The following ANO4 variants were observed in gnomAD, a reference collection of about 807,000 sequenced individuals.
ANO4 encodes anoctamin-4.
ANO4 carries 69 observed loss-of-function variants against 141.9 expected under a neutral mutation model. That is an observed-to-expected ratio of 0.49 (90% CI 0.40 to 0.59). The LOEUF (loss-of-function observed/expected upper bound fraction) is 0.59, where lower values mean the gene tolerates loss of function less well. Ranked by LOEUF, ANO4 falls within the 20% of genes least tolerant of loss-of-function variation. The probability of loss-of-function intolerance (pLI) is 0.00; values close to 1 mark genes in which losing one functional copy is unlikely to be tolerated. For synonymous variants in ANO4, 350 were observed against 394.3 expected, an observed-to-expected ratio of 0.89 and a Z score of 1.33; for missense variants, 894 against 1,162.2, an observed-to-expected ratio of 0.77 and a Z score of 3.36.
chr12:100,718,150 GACATAT>G (rs2030698483), intron 1 of ANO4, among the ~76,000 whole-genome samples: 1 of 152,204 alleles, frequency 6.6e-6, no homozygotes, highest in South Asian at 2.1e-4. Flanking sequence ...TATATGAATA[GACATAT>G]ACATATATAC....
At chr12:100,839,410 A>C (rs765451977) in intron 1 of ANO4, among the ~76,000 whole-genome samples, 7 of 152,204 alleles carry the variant, frequency 4.6e-5, no homozygotes, top group Non-Finnish European at 7.3e-5. Flanking sequence ...AAGTTTAGGG[A>C]TACCTTAACC....
In ANO4 at chr12:101,099,628, C is replaced by G; in HGVS notation, c.2057C>G (p.Pro686Arg). 1 of 1,611,980 alleles carries G rather than the reference C, an allele frequency of 6.2e-7. No individual in the cohort carries two copies. The highest frequency in any genetic ancestry group is 1.1e-5 in the South Asian group (1 of 90,574). ...AGAAAAGTACGACAAGAACATGGAC[C>G]TGAAAGGAAAATAAGTTTCCCACAA... ...TRRKVRQEHG[P>R]ERKISFPQWE... is the part of the protein sequence containing the mutation. The change falls in exon 22 of 28, where the codon CCT (proline) becomes CGT (arginine). Residue 686 changes from proline to arginine, a missense_variant. By Grantham distance (103) the Pro-to-Arg change is moderately radical. Transcript: ENST00000392977.
chr12:100,925,501 G>C (rs919719157), intron 3 of ANO4, among the ~76,000 whole-genome samples: 1 of 151,544 alleles, frequency 6.6e-6, no homozygotes, highest in Non-Finnish European at 1.5e-5. Context: ...GTCGGGGGGT[G>C]GGGGGCTAGA....
intron 3 of ANO4, among the ~76,000 whole-genome samples, chr12:100,774,722 G>A (rs957462185): frequency 8.5e-5 from 13 of 152,092 alleles, no homozygotes; most frequent in Non-Finnish European, 1.9e-4. Flanking sequence ...AAACAAAAAC[G>A]AGATGGCCAC....
intron 1 of ANO4, among the ~76,000 whole-genome samples, chr12:100,885,105 T>C (rs1252899938): frequency 1.3e-5 from 2 of 152,224 alleles, no homozygotes; most frequent in Admixed American, 6.5e-5. Flanking sequence ...CCAAAGGTTC[T>C]CTGTTTTTGA....
intron 1 of ANO4, among the ~76,000 whole-genome samples, chr12:100,864,081 T>C (rs1401967916): frequency 6.6e-6 from 1 of 152,188 alleles, no homozygotes; most frequent in African/African-American, 2.4e-5. Context: ...AGTTGCAAGA[T>C]GACTGACAGT....
intron 1 of ANO4, among the ~76,000 whole-genome samples, chr12:100,892,306 T>A (rs905642805): frequency 6.6e-6 from 1 of 152,180 alleles, no homozygotes; most frequent in Non-Finnish European, 1.5e-5. Context: ...AATCACTCTT[T>A]ATGAATTAAA....
chr12:101,039,372 G>A (rs1418564199), intron 10 of ANO4, among the ~76,000 whole-genome samples: 1 of 152,208 alleles, frequency 6.6e-6, no homozygotes, highest in Non-Finnish European at 1.5e-5. Flanking sequence ...GTGCATGGTG[G>A]CACATGCCTA....
chr12:100,978,500 T>C (rs1160376607), intron 7 of ANO4, among the ~76,000 whole-genome samples: 1 of 152,244 alleles, frequency 6.6e-6, no homozygotes, highest in Non-Finnish European at 1.5e-5. Flanking sequence ...CAGTCTATGT[T>C]TGAACATCTC....
chr12:100,803,216 C>T (rs2034800458), intron 1 of ANO4, among the ~76,000 whole-genome samples: 1 of 152,110 alleles, frequency 6.6e-6, no homozygotes, highest in African/African-American at 2.4e-5. Context: ...ATAGGGAACT[C>T]CAACCCCGGG....
intron 3 of ANO4, among the ~76,000 whole-genome samples, chr12:100,753,890 T>C (rs2032495374): frequency 6.6e-6 from 1 of 152,212 alleles, no homozygotes; most frequent in Non-Finnish European, 1.5e-5. Context: ...CACAAGCACC[T>C]GTCCAAGCCA....
At chr12:100,755,629 CTGTACTT>C (rs1050921632) in intron 3 of ANO4, among the ~76,000 whole-genome samples, 1 of 152,196 alleles carries the variant, frequency 6.6e-6, no homozygotes, top group African/African-American at 2.4e-5. Flanking sequence ...ATCACTATGC[CTGTACTT>C]TGTTTACGAT....
chr12:100,759,360 C>CT (rs1212616404), intron 3 of ANO4, among the ~76,000 whole-genome samples: 1 of 152,130 alleles, frequency 6.6e-6, no homozygotes, highest in Non-Finnish European at 1.5e-5. Flanking sequence ...AAAATTGGAG[C>CT]TTTCTTATCT....
intron 1 of ANO4, among the ~76,000 whole-genome samples, chr12:100,845,121 A>C (rs2037490230): frequency 6.6e-6 from 1 of 152,174 alleles, no homozygotes; most frequent in Non-Finnish European, 1.5e-5. Flanking sequence ...GATGGAAGTC[A>C]TTGTGCTGTA....
intron 2 of ANO4, among the ~76,000 whole-genome samples, chr12:100,913,808 T>TG (rs1370415098): frequency 6.6e-6 from 1 of 152,214 alleles, no homozygotes; most frequent in Non-Finnish European, 1.5e-5. Flanking sequence ...GAGTTTGAGC[T>TG]GACAGGCCGA....
intron 8 of ANO4, among the ~76,000 whole-genome samples, chr12:100,988,878 A>G (rs1167966699): frequency 1.5e-5 from 2 of 133,680 alleles, no homozygotes; most frequent in Non-Finnish European, 3.3e-5. Context: ...CTCAGAAAAA[A>G]AAAAAAAAAA....
At chr12:101,039,880 C>T in intron 10 of ANO4, 75 bp from the exon 11 acceptor site, 1 of 1,493,966 alleles carries the variant, frequency 6.7e-7, no homozygotes, top group South Asian at 1.3e-5. Context: ...TGCTGTAAGA[C>T]ACTTACATTA....
intron 1 of ANO4, among the ~76,000 whole-genome samples, chr12:100,728,940 A>T (rs2031256588): frequency 6.6e-6 from 1 of 152,158 alleles, no homozygotes; most frequent in Non-Finnish European, 1.5e-5. Flanking sequence ...CACTTCCAGC[A>T]TCCCCGAACC....
chr12:100,739,730 A>G (rs913564557), intron 2 of ANO4: 19 of 637,004 alleles, frequency 3.0e-5, no homozygotes, highest in Middle Eastern at 2.5e-4. Flanking sequence ...TTTATTATGA[A>G]CATGCATTCT....
Sources: allele counts gnomAD v4.1 joint callset (sites outside exome capture counted in the v4.1 genomes callset), GRCh38; gene constraint gnomAD v4.1.1; transcripts MANE v1.5; gene names NCBI Gene and HGNC (gene_info 2026-07-23, HGNC 2026-07-21).